The following PRKCE variants were observed in gnomAD, a reference collection of about 807,000 sequenced individuals.
PRKCE encodes protein kinase C epsilon.
Under a neutral mutation model 85.4 loss-of-function variants are expected in PRKCE, and 16 were observed. The observed-to-expected ratio is 0.19, with a 90% confidence interval of 0.13 to 0.28. The LOEUF (loss-of-function observed/expected upper bound fraction) is 0.28, where lower values mean the gene tolerates loss of function less well. PRKCE is among the 10% of genes least tolerant of loss of function. The pLI is 1.00. For missense variants in PRKCE, 573 were observed against 975.2 expected (o/e 0.59, Z 5.49); for synonymous variants, 388 against 371.5 (o/e 1.04, Z -0.51).
chr2:46,028,153 G>C (rs549217182), intron 10 of PRKCE, among the ~76,000 whole-genome samples: 20 of 152,232 alleles, frequency 1.3e-4, no homozygotes, highest in African/African-American at 4.3e-4. Flanking sequence ...TGCTGGCCAG[G>C]CCGGTCTCAA....
intron 2 of PRKCE, among the ~76,000 whole-genome samples, chr2:45,958,426 A>T (rs1460273737): frequency 2.0e-5 from 3 of 150,566 alleles, no homozygotes; most frequent in Non-Finnish European, 4.4e-5. Context: ...GGAGAATGGC[A>T]TGAAACCGGG....
At chr2:45,756,110 A>G (rs1410332949) in intron 1 of PRKCE, among the ~76,000 whole-genome samples, 4 of 152,244 alleles carry the variant, frequency 2.6e-5, no homozygotes, top group Non-Finnish European at 5.9e-5. Context: ...AAGAGTGGCT[A>G]CAGAATTCTT....
chr2:45,791,780 T>C (rs918219103), intron 1 of PRKCE, among the ~76,000 whole-genome samples: 4 of 152,214 alleles, frequency 2.6e-5, no homozygotes, highest in Non-Finnish European at 4.4e-5. Context: ...GCTCAGATGC[T>C]CACTGCCATC....
At chr2:46,026,305 A>G (rs1707106386) in intron 10 of PRKCE, among the ~76,000 whole-genome samples, 1 of 152,220 alleles carries the variant, frequency 6.6e-6, no homozygotes, top group Admixed American at 6.5e-5. Flanking sequence ...TGTGAAACCT[A>G]AAATCTCAAT....
chr2:45,794,567 C>A (rs1687273803), intron 1 of PRKCE, among the ~76,000 whole-genome samples: 1 of 152,156 alleles, frequency 6.6e-6, no homozygotes, highest in Non-Finnish European at 1.5e-5. Context: ...GGGGAGGAAC[C>A]TGGGCAAGGC....
intron 14 of PRKCE, among the ~76,000 whole-genome samples, chr2:46,183,428 T>C (rs572412368): frequency 6.6e-6 from 1 of 152,336 alleles, no homozygotes; most frequent in Admixed American, 6.5e-5. Context: ...ATAATGTGAA[T>C]CTTTCCACAA....
At chr2:46,021,854 T>G (rs74320265) in intron 10 of PRKCE, among the ~76,000 whole-genome samples, 2,876 of 152,288 alleles carry the variant, frequency 0.019, 92 homozygotes, top group African/African-American at 0.066. Flanking sequence ...GTGTCCAGTT[T>G]AGATTCGTGT....
At chr2:46,061,643 T>TG (rs1667133233) in intron 10 of PRKCE, among the ~76,000 whole-genome samples, 1 of 152,096 alleles carries the variant, frequency 6.6e-6, no homozygotes, top group African/African-American at 2.4e-5. Context: ...TGAAGTGAGC[T>TG]GGGGGCCAAC....
chr2:45,888,389 G>C lies in PRKCE; in HGVS notation c.412+45326G>C, dbSNP rs915176827. On this transcript the variant is annotated intron_variant, in intron 2 of 14. Coordinates refer to ENST00000306156, the MANE Select transcript of PRKCE (RefSeq NM_005400.3). ...CTAGATGTGGATACAGCATACAAGGGTTCCCCAAACATTTGGCCACTGGAA... is the reference window on the plus strand; with the variant it reads ...CTAGATGTGGATACAGCATACAAGGCTTCCCCAAACATTTGGCCACTGGAA... Among the ~76,000 whole-genome samples, 3 of 151,382 alleles carry C rather than the reference G, an allele frequency of 2.0e-5. No individual in the cohort carries two copies. In the South Asian group the frequency reaches 6.3e-4, roughly 32 times the overall value.
At chr2:45,706,335 T>A (rs1012477557) in intron 1 of PRKCE, among the ~76,000 whole-genome samples, 1 of 152,178 alleles carries the variant, frequency 6.6e-6, no homozygotes, top group Non-Finnish European at 1.5e-5. Context: ...AGGAAATGAA[T>A]GCATGCTGAT....
intron 13 of PRKCE, among the ~76,000 whole-genome samples, chr2:46,157,085 C>A (rs1677284895): frequency 6.6e-6 from 1 of 152,324 alleles, no homozygotes; most frequent in South Asian, 2.1e-4. Flanking sequence ...TTGGTTCTGC[C>A]TCTACTTACA....
At chr2:45,775,150 A>G (rs957185091) in intron 1 of PRKCE, among the ~76,000 whole-genome samples, 1 of 152,104 alleles carries the variant, frequency 6.6e-6, no homozygotes, top group African/African-American at 2.4e-5. Context: ...CTCAAGCCCC[A>G]TTGTCCATGT....
At chr2:45,860,327 G>A (rs1693044108) in intron 2 of PRKCE, among the ~76,000 whole-genome samples, 1 of 152,204 alleles carries the variant, frequency 6.6e-6, no homozygotes, top group African/African-American at 2.4e-5. Context: ...AACTTACATA[G>A]TGTACTGATC....
In PRKCE at chr2:45,786,205, T is replaced by G. The variant is rs1010979911; in HGVS notation, c.349-56795T>G. Among the ~76,000 whole-genome samples the G allele has an allele frequency of 1.3e-5, 2 of 152,198 alleles. No individual in the cohort carries two copies. The highest frequency in any genetic ancestry group is 2.9e-5 in the Non-Finnish European group (2 of 68,026). ...TGACTTATTTATCCCCCGTGCTGCT[T>G]CTTGCTCTCCGGTTTCCAGGGAGTG... On this transcript the variant is annotated intron_variant, in intron 1 of 14. Coordinates refer to ENST00000306156, the MANE Select transcript of PRKCE (RefSeq NM_005400.3). This position sits in a 1 kb window ranked among gnomAD's most constrained non-coding sequence, Gnocchi z 5.3.
At chr2:45,805,016 C>T (rs542626562) in intron 1 of PRKCE, among the ~76,000 whole-genome samples, 1 of 150,604 alleles carries the variant, frequency 6.6e-6, no homozygotes, top group South Asian at 2.1e-4. Flanking sequence ...TCTAGAAAAC[C>T]TTTCTAGAAT....
At chr2:45,703,203 C>A (rs1294473754) in intron 1 of PRKCE, among the ~76,000 whole-genome samples, 1 of 151,552 alleles carries the variant, frequency 6.6e-6, no homozygotes, top group East Asian at 1.9e-4. Context: ...TGTTTGCTTT[C>A]CTCCTATATT....
intron 1 of PRKCE, among the ~76,000 whole-genome samples, chr2:45,757,396 A>G (rs1455724911): frequency 6.6e-6 from 1 of 151,528 alleles, no homozygotes; most frequent in Non-Finnish European, 1.5e-5. Context: ...GCTGGGCATC[A>G]TAGTTCATGC....
At chr2:46,086,466 GC>G in intron 11 of PRKCE, 104 bp downstream of exon 11, 1 of 1,345,428 alleles carries the variant, frequency 7.4e-7, no homozygotes, top group Non-Finnish European at 1.0e-6. Flanking sequence ...TTAGCAACCT[GC>G]TTTAGATTAG....
intron 10 of PRKCE, among the ~76,000 whole-genome samples, chr2:46,011,579 C>T (rs533191945): frequency 6.6e-6 from 1 of 152,288 alleles, no homozygotes; most frequent in South Asian, 2.1e-4. Context: ...GAACCCCAAT[C>T]ACTTGAGCAG....
Sources: gnomAD v4.1 joint callset for allele counts (sites outside exome capture counted in the v4.1 genomes callset) on GRCh38, gnomAD v4.1.1 for gene constraint, Gnocchi (gnomAD v3.1) non-coding constraint, MANE v1.5 for transcripts, NCBI Gene and HGNC (gene_info 2026-07-23, HGNC 2026-07-21) for gene names.